The following NLGN1 variants were observed in gnomAD, a reference collection of about 807,000 sequenced individuals.
NLGN1 encodes neuroligin-1.
NLGN1 carries 12 observed loss-of-function variants against 65.5 expected under a neutral mutation model. That is an observed-to-expected ratio of 0.18 (90% CI 0.12 to 0.30). The LOEUF is 0.30. Among genes scored for constraint, NLGN1 ranks in the 10% least tolerant of loss-of-function variants. NLGN1 has a pLI of 1.00. For missense variants in NLGN1, 750 were observed against 1,007.1 expected (o/e 0.74, Z 3.46); for synonymous variants, 350 against 359.5 (o/e 0.97, Z 0.30).
At chr3:174,015,783 C>A (rs1021415212) in intron 4 of NLGN1, among the ~76,000 whole-genome samples, 1 of 152,066 alleles carries the variant, frequency 6.6e-6, no homozygotes, top group African/African-American at 2.4e-5. Context: ...GAATTAGATT[C>A]TCTGATTTTT....
rs1240237216 is a variant in NLGN1 at position 173,666,573 on chromosome 3, T to C, written c.493+61482T>C. ...GTCAGAGTTTAAGGATGTCTCCTTATAGAAATCTGATTAATGGATCAACCA... is the reference window on the plus strand; with the variant it reads ...GTCAGAGTTTAAGGATGTCTCCTTACAGAAATCTGATTAATGGATCAACCA... On this transcript the variant is annotated intron_variant, in intron 3 of 6. Coordinates refer to ENST00000457714, the Ensembl canonical transcript of NLGN1. Among the ~76,000 whole-genome samples, 3 of 152,166 alleles carry C rather than the reference T, an allele frequency of 2.0e-5. No homozygotes were observed. In the East Asian group the frequency reaches 5.8e-4, roughly 29 times the overall value.
chr3:173,999,443 C>T (rs145435048), intron 4 of NLGN1, among the ~76,000 whole-genome samples: 5 of 151,992 alleles, frequency 3.3e-5, no homozygotes, highest in African/African-American at 1.2e-4. Flanking sequence ...ATGATTTTAC[C>T]TTTGATACCT....
At chr3:173,918,668 G>A (rs1579184340) in intron 4 of NLGN1, among the ~76,000 whole-genome samples, 1 of 110,250 alleles carries the variant, frequency 9.1e-6, no homozygotes, top group African/African-American at 3.8e-5. Flanking sequence ...ATATGTGTGT[G>A]TGTGTGTGTG....
chr3:173,991,000 A>G (rs972513813), intron 4 of NLGN1, among the ~76,000 whole-genome samples: 1 of 152,176 alleles, frequency 6.6e-6, no homozygotes, highest in African/African-American at 2.4e-5. Context: ...TTCTCCAGTT[A>G]TCAACATTTC....
intron 4 of NLGN1, among the ~76,000 whole-genome samples, chr3:173,865,693 G>A (rs952488697): frequency 6.6e-6 from 1 of 152,068 alleles, no homozygotes; most frequent in African/African-American, 2.4e-5. Context: ...TAATCATAGA[G>A]CTTTGATATT....
chr3:174,076,511 C>G (rs1323829435), intron 4 of NLGN1, among the ~76,000 whole-genome samples: 1 of 152,126 alleles, frequency 6.6e-6, no homozygotes, highest in African/African-American at 2.4e-5. Context: ...CAGCGTTCCT[C>G]TGTTCTCAAC....
At chr3:174,175,480 T>A (rs1222057207) in intron 4 of NLGN1, among the ~76,000 whole-genome samples, 2 of 151,910 alleles carry the variant, frequency 1.3e-5, no homozygotes, top group African/African-American at 4.8e-5. Context: ...TCCATTGGCA[T>A]GGAATATCTT....
intron 4 of NLGN1, among the ~76,000 whole-genome samples, chr3:173,852,725 A>G (rs959953344): frequency 6.6e-6 from 1 of 152,188 alleles, no homozygotes; most frequent in African/African-American, 2.4e-5. Context: ...GCAAATTGGA[A>G]ATTTCCTTTT....
chr3:174,155,295 C>T (rs1310510695), intron 4 of NLGN1, among the ~76,000 whole-genome samples: 1 of 151,128 alleles, frequency 6.6e-6, no homozygotes, highest in Non-Finnish European at 1.5e-5. Context: ...GACAGCTGCT[C>T]CCTGGAGAGG....
chr3:173,577,524 C>T (rs1162600461), intron 2 of NLGN1, among the ~76,000 whole-genome samples: 1 of 152,086 alleles, frequency 6.6e-6, no homozygotes, highest in Non-Finnish European at 1.5e-5. Context: ...CATTTGTTAG[C>T]TTGTTTATCA....
At chr3:173,536,287 A>G (rs1290709482) in intron 2 of NLGN1, among the ~76,000 whole-genome samples, 1 of 152,212 alleles carries the variant, frequency 6.6e-6, no homozygotes, top group Non-Finnish European at 1.5e-5. Flanking sequence ...GAGATGGTTA[A>G]TCTTCCTTGC....
chr3:173,405,633 CCTAT>C (rs1402143947), intron 1 of NLGN1, among the ~76,000 whole-genome samples: 1 of 151,806 alleles, frequency 6.6e-6, no homozygotes, highest in African/African-American at 2.4e-5. Flanking sequence ...AAAATATAAT[CCTAT>C]CTCTTTTTTT....
At chr3:174,178,409 C>T (rs900461057) in intron 4 of NLGN1, among the ~76,000 whole-genome samples, 1 of 152,112 alleles carries the variant, frequency 6.6e-6, no homozygotes, top group Non-Finnish European at 1.5e-5. Context: ...TGCCCTGCTG[C>T]AAGCAAGAGC....
chr3:174,194,404 G>A (rs1040732272), intron 4 of NLGN1, among the ~76,000 whole-genome samples: 2 of 150,310 alleles, frequency 1.3e-5, no homozygotes, highest in African/African-American at 4.9e-5. Context: ...AGCTGAGGTC[G>A]CACCACTGAA....
rs758964856 is a variant in NLGN1, at chr3:174,281,022, A to G, written c.2191A>G (p.Met731Val). Residue 731 changes from methionine (M) to valine (V), a missense_variant, in exon 7 of 7, where the codon ATG becomes GTG. Coordinates refer to ENST00000457714, the Ensembl canonical transcript of NLGN1. Reference sequence around the variant, plus strand: ...AACCCATGCACAAGAAGAGGAAATCATGTCCCTCCAAATGAAGCACACTGA... The same window carrying G: ...AACCCATGCACAAGAAGAGGAAATCGTGTCCCTCCAAATGAAGCACACTGA... 2 of 1,613,260 alleles carry G rather than the reference A, an allele frequency of 1.2e-6. No individual in the cohort carries two copies. The highest frequency in any genetic ancestry group is 1.7e-6 in the Non-Finnish European group (2 of 1,179,604).
At chr3:173,543,753 G>C (rs1739287653) in intron 2 of NLGN1, among the ~76,000 whole-genome samples, 1 of 152,084 alleles carries the variant, frequency 6.6e-6, no homozygotes, top group South Asian at 2.1e-4. Context: ...ATCTGTGCTA[G>C]TCAGTATAGT....
At chr3:173,922,822 A>C (rs1198803856) in intron 4 of NLGN1, among the ~76,000 whole-genome samples, 1 of 152,118 alleles carries the variant, frequency 6.6e-6, no homozygotes, top group Admixed American at 6.6e-5. Context: ...GTGAACTGAC[A>C]TAGCAGGTAG....
chr3:173,573,284 G>GA (rs1353558399), intron 2 of NLGN1, among the ~76,000 whole-genome samples: 2 of 151,898 alleles, frequency 1.3e-5, no homozygotes, highest in African/African-American at 4.8e-5. Flanking sequence ...CTCCAAACTG[G>GA]AAAAAAACCT....
At chr3:173,705,497 G>C (rs1182712636) in intron 3 of NLGN1, among the ~76,000 whole-genome samples, 1 of 152,112 alleles carries the variant, frequency 6.6e-6, no homozygotes, top group Non-Finnish European at 1.5e-5. Flanking sequence ...TTGCTGCTTT[G>C]AAACACACCT....
Sources: allele counts gnomAD v4.1 joint callset (sites outside exome capture counted in the v4.1 genomes callset), GRCh38; gene constraint gnomAD v4.1.1; transcripts MANE v1.5; gene names NCBI Gene and HGNC (gene_info 2026-07-23, HGNC 2026-07-21).